The following ST3GAL3 variants were observed in gnomAD, a reference collection of about 807,000 sequenced individuals.
The protein encoded by ST3GAL3 is CMP-N-acetylneuraminate-beta-1,4-galactoside alpha-2,3-sialyltransferase.
In ST3GAL3, 21 loss-of-function variants were observed where a neutral mutation model predicts 50.1. The observed-to-expected ratio is 0.42, with a 90% CI of 0.30 to 0.60. ST3GAL3 has a LOEUF of 0.60. Ranked by LOEUF, ST3GAL3 falls within the 20% of genes least tolerant of loss-of-function variation. The probability of loss-of-function intolerance (pLI) is 0.19; values close to 1 mark genes in which losing one functional copy is unlikely to be tolerated. For synonymous variants in ST3GAL3, 183 were observed against 190.0 expected, an observed-to-expected ratio of 0.96 and a Z score of 0.30; for missense variants, 353 against 489.4, an observed-to-expected ratio of 0.72 and a Z score of 2.63.
At chr1:43,847,558 A>G (rs1164179934) in intron 5 of ST3GAL3, among the ~76,000 whole-genome samples, 1 of 152,224 alleles carries the variant, frequency 6.6e-6, no homozygotes, top group Non-Finnish European at 1.5e-5. Context: ...GTGTGATTCC[A>G]TTCATATGAG....
At position 43,742,062 on chromosome 1, in the gene ST3GAL3, A is replaced by T. The variant is rs59060054; in HGVS notation, c.118+5682A>T. ...GAAGCTAAGGACTGGCCTATTATTT[A>T]TACATGGGGTGAAGCCACCTGAAGC... On this transcript the variant is annotated intron_variant, in intron 2 of 11. Transcript: ENST00000347631. Among the ~76,000 whole-genome samples the T allele has an allele frequency of 7.5e-3, 1,141 of 152,270 alleles. 21 individuals are homozygous for T. The highest frequency in any genetic ancestry group is 0.026 in the African/African-American group (1,083 of 41,554).
intron 1 of ST3GAL3, chr1:43,716,491 C>A (rs1158217339): frequency 6.6e-6 from 1 of 152,104 alleles, no homozygotes; most frequent in Non-Finnish European, 1.5e-5. Flanking sequence ...AGCACATATA[C>A]TAAAATTGGA....
intron 1 of ST3GAL3, among the ~76,000 whole-genome samples, chr1:43,723,113 C>T (rs1488035676): frequency 7.0e-6 from 1 of 142,906 alleles, no homozygotes; most frequent in Non-Finnish European, 1.5e-5. Flanking sequence ...CTCTTCCCTC[C>T]TTTTTTTTTT....
At chr1:43,837,666 C>T (rs1334081992) in intron 4 of ST3GAL3, among the ~76,000 whole-genome samples, 1 of 152,194 alleles carries the variant, frequency 6.6e-6, no homozygotes, top group Non-Finnish European at 1.5e-5. Flanking sequence ...TTTCAGGCTT[C>T]CTGCAAAGAA....
At chr1:43,838,169 A>C (rs763144638) in intron 4 of ST3GAL3, 50 bp from the exon 5 acceptor site, 2 of 1,263,676 alleles carry the variant, frequency 1.6e-6, no homozygotes, top group Non-Finnish European at 2.3e-6. Context: ...TTAATAACCC[A>C]CTCAGTGCTC....
At chr1:43,773,730 A>G (rs548478531) in intron 2 of ST3GAL3, among the ~76,000 whole-genome samples, 1 of 152,344 alleles carries the variant, frequency 6.6e-6, no homozygotes, top group Non-Finnish European at 1.5e-5. Context: ...TCACACTAAG[A>G]CAATGGACTT....
chr1:43,813,538 C>G (rs1316994954), intron 3 of ST3GAL3, among the ~76,000 whole-genome samples: 2 of 152,162 alleles, frequency 1.3e-5, no homozygotes, highest in African/African-American at 4.8e-5. Flanking sequence ...TCTTGGGAGG[C>G]AAGCCTTACA....
At chr1:43,753,439 T>C (rs373625044) in intron 2 of ST3GAL3, among the ~76,000 whole-genome samples, 87 of 152,300 alleles carry the variant, frequency 5.7e-4, no homozygotes, top group African/African-American at 2.0e-3. Context: ...TTCCATGTCG[T>C]GTGTCACAAA....
chr1:43,906,643 C>T (rs1219703389), intron 9 of ST3GAL3, among the ~76,000 whole-genome samples: 4 of 150,900 alleles, frequency 2.7e-5, no homozygotes, highest in African/African-American at 9.8e-5. Flanking sequence ...CTTCCCCCTC[C>T]TCCTCCTGCT....
chr1:43,782,913 A>G (rs1699820689), intron 2 of ST3GAL3, among the ~76,000 whole-genome samples: 1 of 152,212 alleles, frequency 6.6e-6, no homozygotes, highest in Admixed American at 6.5e-5. Flanking sequence ...ATAAAAATTC[A>G]TTTCATAGAA....
intron 5 of ST3GAL3, among the ~76,000 whole-genome samples, chr1:43,867,889 C>A (rs2071715631): frequency 6.6e-6 from 1 of 152,056 alleles, no homozygotes; most frequent in Non-Finnish European, 1.5e-5. Flanking sequence ...GAAAAAATGG[C>A]TGGAAAGATT....
At chr1:43,837,056 T>C (rs1036526173) in intron 4 of ST3GAL3, among the ~76,000 whole-genome samples, 3 of 152,158 alleles carry the variant, frequency 2.0e-5, no homozygotes, top group Non-Finnish European at 4.4e-5. Flanking sequence ...TTTGTGCCCA[T>C]TTATGCAAGG....
chr1:43,830,881 C>T (rs780467562), intron 4 of ST3GAL3, among the ~76,000 whole-genome samples: 20 of 152,150 alleles, frequency 1.3e-4, no homozygotes, highest in Admixed American at 2.6e-4. Flanking sequence ...CAGTTATTTT[C>T]CTTCTTAAAT....
At chr1:43,805,224 G>T (rs572234480) in intron 3 of ST3GAL3, among the ~76,000 whole-genome samples, 1 of 152,326 alleles carries the variant, frequency 6.6e-6, no homozygotes, top group South Asian at 2.1e-4. Flanking sequence ...AATCTAGGTT[G>T]CAGGAACAAG....
chr1:43,771,984 T>G (rs1308843412), intron 2 of ST3GAL3: 1 of 398,348 alleles, frequency 2.5e-6, no homozygotes, highest in East Asian at 3.6e-5. Context: ...AGGGGGAATA[T>G]GAGAAGTCAA....
chr1:43,742,297 T>C (rs1681276819), intron 2 of ST3GAL3, among the ~76,000 whole-genome samples: 1 of 152,074 alleles, frequency 6.6e-6, no homozygotes, highest in Admixed American at 6.6e-5. Flanking sequence ...AAGAGTAAGA[T>C]CTACCGTAGA....
At chr1:43,905,464 C>G (rs1023914035) in intron 9 of ST3GAL3, among the ~76,000 whole-genome samples, 4 of 138,924 alleles carry the variant, frequency 2.9e-5, no homozygotes, top group Non-Finnish European at 4.7e-5. Flanking sequence ...CACTGTTCCT[C>G]CCCCTCCTCC....
chr1:43,776,917 G>T (rs1697467942), intron 2 of ST3GAL3, among the ~76,000 whole-genome samples: 1 of 152,030 alleles, frequency 6.6e-6, no homozygotes, highest in South Asian at 2.1e-4. Context: ...CCCTTCTCTG[G>T]CTTAACTAAG....
rs532871120 is a variant in ST3GAL3 at position 43,747,833 on chromosome 1, G to GGC, written c.118+11454_118+11455dup. On this transcript the variant is annotated intron_variant, in intron 2 of 11. Coordinates refer to ENST00000347631, the MANE Select transcript of ST3GAL3 (RefSeq NM_006279.5). ...TAACCTCAGGTGATCCGCTTGCCTT[G>GGC]GCCTCCCAAGGTGTTGGGATTACAG... is the stretch of plus-strand genomic sequence containing the variant. Among the ~76,000 whole-genome samples, 951 of 151,914 alleles carry GGC rather than the reference G, an allele frequency of 6.3e-3. 8 individuals are homozygous for GGC. Among genetic ancestry groups the GGC allele is most frequent in the Non-Finnish European group, 8.2e-3 (558 of 67,962 alleles).
Sources: gnomAD v4.1 joint callset for allele counts (sites outside exome capture counted in the v4.1 genomes callset) on GRCh38, gnomAD v4.1.1 for gene constraint, MANE v1.5 for transcripts, NCBI Gene and HGNC (gene_info 2026-07-23, HGNC 2026-07-21) for gene names.